TASOR2: variants seen among roughly 807,000 people sequenced by gnomAD.
TASOR2 encodes protein TASOR 2.
Under a neutral mutation model 199.5 loss-of-function variants are expected in TASOR2, and 84 were observed. The observed-to-expected ratio is 0.42, with a 90% CI of 0.35 to 0.50. The LOEUF (loss-of-function observed/expected upper bound fraction) is 0.50, where lower values mean the gene tolerates loss of function less well. Among genes scored for constraint, TASOR2 ranks in the 20% least tolerant of loss-of-function variants. TASOR2 has a pLI of 0.02. For missense variants in TASOR2, 2,796 were observed against 2,835.9 expected (o/e 0.99, Z 0.32); for synonymous variants, 1,103 against 1,046.6 (o/e 1.05, Z -1.04).
rs1833464865 is a variant in TASOR2, at chr10:5,722,282, C to T, written c.146+1312C>T. On this transcript the variant is annotated intron_variant, in intron 6 of 20. Coordinates refer to ENST00000328090, the Ensembl canonical transcript of TASOR2. This position sits in a 1 kb window ranked among gnomAD's most constrained non-coding sequence, Gnocchi z 4.0. ...CCAACCTGGGCAACATGGCGAAACC[C>T]TCTCCCTAATAAAAATACAAAAAAT... is the stretch of plus-strand genomic sequence containing the variant. Among the ~76,000 whole-genome samples, 1 of 152,018 alleles carries T rather than the reference C, an allele frequency of 6.6e-6. No homozygotes were observed. The highest frequency in any genetic ancestry group is 2.1e-4 in the South Asian group (1 of 4,824).
exon 15 of TASOR2, chr10:5,746,662 G>C (rs2131626458): frequency 6.2e-7 from 1 of 1,614,096 alleles, no homozygotes; most frequent in Non-Finnish European, 8.5e-7. Context: ...CTTTAAGAAG[G>C]AGTTGATTAA....
rs1835765778 is a variant in TASOR2, at chr10:5,737,379, G to A, written c.1447+1833G>A. ...GAAGATTTTTTTAAAAGCTCATCAT[G>A]TCATTCAAAAACCCATATGCTGCAG... On this transcript the variant is annotated intron_variant, in intron 12 of 20. Transcript: ENST00000328090. The surrounding 1 kb of genome is among the most constrained non-coding windows in gnomAD (Gnocchi z 4.9). Among the ~76,000 whole-genome samples, 1 of 150,604 alleles carries A rather than the reference G, an allele frequency of 6.6e-6. No homozygotes were observed. The highest frequency in any genetic ancestry group is 1.5e-5 in the Non-Finnish European group (1 of 67,804).
In TASOR2 at chr10:5,696,219, C is replaced by T. The variant is rs1411117898; in HGVS notation, c.-288+11044C>T. ...ATTAACGGATTCTTAGCTGGGGAAA[C>T]TTACCAGCCCATGGCACAGTATTTA... On this transcript the variant is annotated intron_variant, in intron 1 of 20. Coordinates refer to ENST00000328090, the Ensembl canonical transcript of TASOR2. Among the ~76,000 whole-genome samples, 8 of 152,334 alleles carry T rather than the reference C, an allele frequency of 5.3e-5. No homozygotes were observed. The South Asian group carries it at 1.0e-3, about 20-fold the overall frequency.
rs370325689 is a variant in TASOR2, at chr10:5,730,595, G to C, written c.596G>C (p.Arg199Thr). ...ACAAAGAAATCACTTCCTGAAGAAA[G>C]AATCCATCCAAACACATTAGTAAAG... Residue 199 changes from arginine (R) to threonine (T), a missense_variant, in exon 11 of 21, where the codon AGA (arginine) becomes ACA (threonine). By Grantham distance (71) the Arg-to-Thr change is moderately conservative. Around this residue, in one of 3 missense-constraint regions of TASOR2, gnomAD observed 847 missense variants for 887.4 expected, o/e 0.95. Coordinates refer to ENST00000328090, the Ensembl canonical transcript of TASOR2. The surrounding 1 kb of genome is among the most constrained non-coding windows in gnomAD (Gnocchi z 4.1). 6.2e-7 allele frequency: 1 copy of C among 1,614,124 alleles called. No individual in the cohort carries two copies. The highest frequency in any genetic ancestry group is 2.2e-5 in the East Asian group (1 of 44,886).
Position 5,719,509 on chromosome 10 carries a change from A to AT in TASOR2, c.-99-1028dup, listed in dbSNP as rs1482650080. Among the ~76,000 whole-genome samples, 2 of 151,760 alleles carry AT rather than the reference A, an allele frequency of 1.3e-5. No homozygotes were observed. Among genetic ancestry groups the AT allele is most frequent in the East Asian group, 1.9e-4 (1 of 5,176 alleles). On this transcript the variant is annotated intron_variant, in intron 3 of 20. Coordinates refer to ENST00000328090, the Ensembl canonical transcript of TASOR2. This position sits in a 1 kb window ranked among gnomAD's most constrained non-coding sequence, Gnocchi z 4.1. ...AGGCGCGCGCTACCACACCCAGCTAATTTTTTTGTATTTTTAGTAAAGGCA... is the reference window on the plus strand; with the variant it reads ...AGGCGCGCGCTACCACACCCAGCTAATTTTTTTTGTATTTTTAGTAAAGGCA...
rs1837894337 is a variant in TASOR2 at position 5,750,586 on chromosome 10, C to A, written c.6606+559C>A. Among the ~76,000 whole-genome samples, 1 of 152,146 alleles carries A rather than the reference C, an allele frequency of 6.6e-6. No homozygotes were observed. Among genetic ancestry groups the A allele is most frequent in the Admixed American group, 6.5e-5 (1 of 15,270 alleles). ...TGTTTTATCCTCCCAGAATTTATTTCTCTTCTATTTCGGGCATAGACAGTA... is the reference window on the plus strand; with the variant it reads ...TGTTTTATCCTCCCAGAATTTATTTATCTTCTATTTCGGGCATAGACAGTA... On this transcript the variant is annotated intron_variant, in intron 15 of 20. Coordinates refer to ENST00000328090, the Ensembl canonical transcript of TASOR2. The surrounding 1 kb of genome is among the most constrained non-coding windows in gnomAD (Gnocchi z 5.4).
Position 5,716,909 on chromosome 10 carries a change from T to C in TASOR2, c.-191-750T>C, listed in dbSNP as rs551202649. Among the ~76,000 whole-genome samples, 8 of 147,692 alleles carry C rather than the reference T, an allele frequency of 5.4e-5. No individual in the cohort carries two copies. In the East Asian group the frequency reaches 1.4e-3, roughly 25 times the overall value. On this transcript the variant is annotated intron_variant, in intron 2 of 20. Transcript: ENST00000328090. ...GTCTCTAAATATAAATGTATATAAA[T>C]ATAAATATATATATATATAAATATA...
rs2131636268 is a variant in TASOR2 at position 5,751,180 on chromosome 10, G to A, written c.6606+1153G>A. ...AGATGATTTCTGCCAGGTTTCTCCA[G>A]TGTAAAGTTATGTTGAACTTAGTAA... On this transcript the variant is annotated intron_variant, in intron 15 of 20. Coordinates refer to ENST00000328090, the Ensembl canonical transcript of TASOR2. This position sits in a 1 kb window ranked among gnomAD's most constrained non-coding sequence, Gnocchi z 5.3. Among the ~76,000 whole-genome samples the A allele has an allele frequency of 6.6e-6, 1 of 152,298 alleles. No homozygotes were observed.
intron 1 of TASOR2, among the ~76,000 whole-genome samples, chr10:5,700,927 G>T (rs1007901954): frequency 1.3e-5 from 2 of 151,206 alleles, no homozygotes; most frequent in African/African-American, 4.9e-5. Context: ...CTCCCATTCT[G>T]TGGGTTGTCT....
chr10:5,712,500 T>C (rs1339658115), intron 1 of TASOR2: 1 of 1,231,768 alleles, frequency 8.1e-7, no homozygotes, highest in Middle Eastern at 3.1e-4. Context: ...TTCAGTACAG[T>C]CAAGTGACTT....
chr10:5,745,536 T>C (rs1056309195), intron 14 of TASOR2, among the ~76,000 whole-genome samples: 2 of 152,198 alleles, frequency 1.3e-5, no homozygotes, highest in Non-Finnish European at 2.9e-5. Context: ...TCCCAGCACT[T>C]TGGGAGGCCG....
In TASOR2 at chr10:5,738,181, C is replaced by CT. The variant is rs1303343299; in HGVS notation, c.1448-1429dup. Reference sequence around the variant, plus strand: ...TTTTCTGTCCTTTTTATTCACTGAACTTTTTTTTAATGTAGTTCCTTTGGC... The same window carrying CT: ...TTTTCTGTCCTTTTTATTCACTGAACTTTTTTTTTAATGTAGTTCCTTTGGC... On this transcript the variant is annotated intron_variant, in intron 12 of 20. Coordinates refer to ENST00000328090, the Ensembl canonical transcript of TASOR2. The surrounding 1 kb of genome is among the most constrained non-coding windows in gnomAD (Gnocchi z 4.7). 6.6e-6 allele frequency among the ~76,000 whole-genome samples: 1 copy of CT among 151,870 alleles called. No homozygotes were observed.
At position 5,752,584 on chromosome 10, in the gene TASOR2, T is replaced by TAACG. The variant is rs1303339699; in HGVS notation, c.6606+2559_6606+2562dup. 6.6e-6 allele frequency among the ~76,000 whole-genome samples: 1 copy of TAACG among 152,178 alleles called. No individual in the cohort carries two copies. Among genetic ancestry groups the TAACG allele is most frequent in the African/African-American group, 2.4e-5 (1 of 41,452 alleles). On this transcript the variant is annotated intron_variant, in intron 15 of 20. Coordinates refer to ENST00000328090, the Ensembl canonical transcript of TASOR2. This position sits in a 1 kb window ranked among gnomAD's most constrained non-coding sequence, Gnocchi z 4.4. ...AGTCCATGGGGGCTGGATTACTGAGTAACGAGTTACTTAGTAATGAAGGAC... is the reference window on the plus strand; with the variant it reads ...AGTCCATGGGGGCTGGATTACTGAGTAACGAACGAGTTACTTAGTAATGAAGGAC...
chr10:5,747,091 A>G (rs753176198), exon 15 of TASOR2: 1 of 1,614,186 alleles, frequency 6.2e-7, no homozygotes, highest in South Asian at 1.1e-5. Flanking sequence ...ACTTAACTGC[A>G]TTTCGTCAGG....
At chr10:5,708,376 A>G (rs1010071178) in intron 1 of TASOR2, among the ~76,000 whole-genome samples, 1 of 152,074 alleles carries the variant, frequency 6.6e-6, no homozygotes, top group Non-Finnish European at 1.5e-5. Context: ...CCTCCATGAA[A>G]TCTTTCTTGA....
At position 5,730,667 on chromosome 10, in the gene TASOR2, GTGT is replaced by G. The variant is rs766866436; in HGVS notation, c.671_673del (p.Val224del). On this transcript the variant is annotated inframe_deletion, in exon 11 of 21. Transcript: ENST00000328090. This position sits in a 1 kb window ranked among gnomAD's most constrained non-coding sequence, Gnocchi z 4.1. ...AAGGCGGACAGAAGCCCTTCATTGAGTGTTGCTCCTCAGGATAGAATGAAAGAC... is the reference window on the plus strand; with the variant it reads ...AAGGCGGACAGAAGCCCTTCATTGAGTGCTCCTCAGGATAGAATGAAAGAC... 5.6e-6 allele frequency: 9 copies of G among 1,614,088 alleles called. No individual in the cohort carries two copies. Among genetic ancestry groups the G allele is most frequent in the Non-Finnish European group, 8.5e-7 (1 of 1,180,046 alleles).
At chr10:5,743,577 T>C (rs34773416) in intron 14 of TASOR2, among the ~76,000 whole-genome samples, 12,211 of 152,232 alleles carry the variant, frequency 0.08, 676 homozygotes, top group Non-Finnish European at 0.11. Context: ...ATGTGCTTTT[T>C]TTTTCCCCTA....
rs752494232 is a variant in TASOR2 at position 5,763,060 on chromosome 10, T to C, written c.*28T>C. On this transcript the variant is annotated 3_prime_UTR_variant, in exon 21 of 21. Coordinates refer to ENST00000328090, the Ensembl canonical transcript of TASOR2. Reference sequence around the variant, plus strand: ...CAACTACAGCCTGCCTGGATATGGATGATGCCAATAAAAAATTAGTATTTT... The same window carrying C: ...CAACTACAGCCTGCCTGGATATGGACGATGCCAATAAAAAATTAGTATTTT... 4.0e-5 allele frequency: 64 copies of C among 1,608,498 alleles called. 1 individual carries two copies. The South Asian group carries it at 6.9e-4, about 17-fold the overall frequency.
intron 1 of TASOR2, among the ~76,000 whole-genome samples, chr10:5,692,383 G>T (rs533147211): frequency 6.6e-6 from 1 of 152,200 alleles, no homozygotes; most frequent in Non-Finnish European, 1.5e-5. Flanking sequence ...GGGCTTGCGG[G>T]TAGGACACTT....
Sources: gnomAD v4.1 joint callset for allele counts (sites outside exome capture counted in the v4.1 genomes callset) on GRCh38, gnomAD v4.1.1 for gene constraint, gnomAD v4.1.1 regional missense constraint, Gnocchi (gnomAD v3.1) non-coding constraint, MANE v1.5 for transcripts, NCBI Gene and HGNC (gene_info 2026-07-23, HGNC 2026-07-21) for gene names.